Variants in TPPP observed in about 807,000 individuals in gnomAD.
TPPP encodes the protein tubulin polymerization-promoting protein.
Under a neutral mutation model 15.5 loss-of-function variants are expected in TPPP, and 6 were observed. The ratio of observed to expected loss-of-function variants is 0.39; its 90% CI spans 0.21 to 0.77. The LOEUF is 0.77. Ranked by LOEUF, TPPP falls within the 30% of genes least tolerant of loss-of-function variation. The pLI is 0.42. For synonymous variants in TPPP, 146 were observed against 133.9 expected (o/e 1.09, Z -0.63); for missense variants, 269 against 307.2 (o/e 0.88, Z 0.93).
Position 666,060 on chromosome 5 carries a change from C to T in TPPP, c.375G>A (p.Lys125=). The T allele has an allele frequency of 1.9e-6, 3 of 1,612,406 alleles. No homozygotes were observed. The highest frequency in any genetic ancestry group is 2.5e-6 in the Non-Finnish European group (3 of 1,179,810). The part of the protein sequence containing the change: ...QFQEALEELA[K]KRFKDKSSEE... ...CGCTGCTCTTGTCTTTGAATCGCTT[C>T]TTGGCGAGCTCCTCCAGCGCCTCCT... The change falls in exon 3 of 4, where the codon AAG becomes AAA. Residue 125 remains lysine, a synonymous_variant. Transcript: ENST00000360578.
chr5:669,687 T>C (rs562758688), intron 2 of TPPP, among the ~76,000 whole-genome samples: 11 of 151,998 alleles, frequency 7.2e-5, no homozygotes, highest in African/African-American at 2.4e-4. Flanking sequence ...GGCTCCCCCA[T>C]CAGAGGCGAC....
At chr5:669,147 G>A (rs530529890) in intron 2 of TPPP, among the ~76,000 whole-genome samples, 23 of 152,322 alleles carry the variant, frequency 1.5e-4, no homozygotes, top group African/African-American at 4.6e-4. Flanking sequence ...CGCTGTGTCC[G>A]GAGGGGGCTT....
intron 2 of TPPP, among the ~76,000 whole-genome samples, chr5:666,630 G>A (rs1023937783): frequency 4.6e-5 from 7 of 152,322 alleles, no homozygotes; most frequent in East Asian, 3.9e-4. Flanking sequence ...TCCAAAACCC[G>A]CCAGGCGGCC....
intron 2 of TPPP, 102 bp downstream of exon 2, chr5:677,648 C>T: frequency 2.6e-6 from 3 of 1,145,028 alleles, no homozygotes; most frequent in Non-Finnish European, 3.6e-6. Context: ...GCACAACCCC[C>T]TCCACTCCCC....
At position 668,350 on chromosome 5, in the gene TPPP, CGGA is replaced by C. The variant is rs1561082126; in HGVS notation, c.312-2230_312-2228del. On this transcript the variant is annotated intron_variant, in intron 2 of 3. Transcript: ENST00000360578. ...CCGTGTGGGCGCCGTCAGGGAAGTG[CGGA>C]CAAGCACACTGGAGAGGGGTCCGCG... Among the ~76,000 whole-genome samples the C allele has an allele frequency of 5.0e-4, 55 of 109,222 alleles. 6 individuals are homozygous for C. The highest frequency in any genetic ancestry group is 2.1e-3 in the African/African-American group (50 of 23,560). 71.7% of individuals were successfully genotyped at this position (109,222 alleles called of 152,430 possible).
intron 1 of TPPP, among the ~76,000 whole-genome samples, chr5:683,157 A>G (rs561200987): frequency 1.9e-4 from 29 of 152,246 alleles, no homozygotes; most frequent in Non-Finnish European, 2.6e-4. Context: ...CTCGCAGGCA[A>G]GTGCCCATGG....
At position 663,109 on chromosome 5, in the gene TPPP, G is replaced by A. The variant is rs1166671799; in HGVS notation, c.*1993C>T. Reference sequence around the variant, plus strand: ...CTGTGATTGGGCGATTCCGGTGGCCGCTCGTCTGTGATCGGGCGATTCCGG... The same window carrying A: ...CTGTGATTGGGCGATTCCGGTGGCCACTCGTCTGTGATCGGGCGATTCCGG... On this transcript the variant is annotated 3_prime_UTR_variant, in exon 4 of 4. Transcript: ENST00000360578. 1.4e-5 allele frequency: 2 copies of A among 139,492 alleles called. No individual in the cohort carries two copies. The highest frequency in any genetic ancestry group is 2.9e-5 in the Non-Finnish European group (2 of 67,840). 8.6% of individuals were successfully genotyped at this position (139,492 alleles called of 1,614,324 possible).
In TPPP at chr5:661,671, G is replaced by C. The variant is rs991143971; in HGVS notation, c.*3431C>G. ...GTCTGTTATGTGCAGTGGGGCTGCC[G>C]TCCAAACAATGTTCTGTGTTCGGAG... On this transcript the variant is annotated 3_prime_UTR_variant, in exon 4 of 4. Coordinates refer to ENST00000360578, the MANE Select transcript of TPPP (RefSeq NM_007030.3). 1.3e-5 allele frequency: 2 copies of C among 152,410 alleles called. No homozygotes were observed. The highest frequency in any genetic ancestry group is 4.8e-5 in the African/African-American group (2 of 41,462). The allele number at this position is 152,410 out of a possible 1,614,324, so 9.4% of individuals were successfully genotyped here.
chr5:672,568 C>T (rs1468394454), intron 2 of TPPP, among the ~76,000 whole-genome samples: 1 of 152,236 alleles, frequency 6.6e-6, no homozygotes, highest in African/African-American at 2.4e-5. Flanking sequence ...GCAAGGCTGG[C>T]AGACCCTCGC....
chr5:683,858 G>T (rs1740693368), intron 1 of TPPP, among the ~76,000 whole-genome samples: 1 of 152,262 alleles, frequency 6.6e-6, no homozygotes, highest in African/African-American at 2.4e-5. Context: ...TCCATGGGCA[G>T]ATTCCCCTGC....
chr5:684,494 G>A (rs954893755), intron 1 of TPPP, among the ~76,000 whole-genome samples: 4 of 152,116 alleles, frequency 2.6e-5, no homozygotes, highest in Non-Finnish European at 5.9e-5. Flanking sequence ...ACAGCGACCC[G>A]AAGCCCCAGA....
rs563400840 is a variant in TPPP, at chr5:683,934, C to G, written c.-4-5870G>C. 1.1e-4 allele frequency among the ~76,000 whole-genome samples: 16 copies of G among 152,334 alleles called. No homozygotes were observed. The South Asian group carries it at 3.3e-3, about 32-fold the overall frequency. On this transcript the variant is annotated intron_variant, in intron 1 of 3. Coordinates refer to ENST00000360578, the MANE Select transcript of TPPP (RefSeq NM_007030.3). ...GCTGGGCTCTTCAGAACCTTTACGC[C>G]CAAGTCCTGTCCAGGGGGAGCACCC...
intron 3 of TPPP, among the ~76,000 whole-genome samples, chr5:665,700 C>A (rs1739871645): frequency 7.3e-6 from 1 of 137,042 alleles, no homozygotes; most frequent in Admixed American, 7.1e-5. Flanking sequence ...CCACCCACCC[C>A]CTCCCAGGCC....
At chr5:681,925 T>A (rs1376433175) in intron 1 of TPPP, among the ~76,000 whole-genome samples, 1 of 152,020 alleles carries the variant, frequency 6.6e-6, no homozygotes, top group East Asian at 1.9e-4. Context: ...TGTCACCAGC[T>A]CCAAGGACTC....
intron 2 of TPPP, among the ~76,000 whole-genome samples, chr5:672,148 G>A (rs981519103): frequency 6.6e-6 from 1 of 152,178 alleles, no homozygotes; most frequent in Non-Finnish European, 1.5e-5. Flanking sequence ...GAAGACTTTA[G>A]GACAAAGTGT....
intron 1 of TPPP, among the ~76,000 whole-genome samples, chr5:681,433 C>A (rs1740618243): frequency 1.3e-5 from 2 of 152,164 alleles, no homozygotes; most frequent in Admixed American, 1.3e-4. Flanking sequence ...ATGTGCCCAG[C>A]ACTCCCAGGC....
At chr5:666,568 C>A (rs1314355591) in intron 2 of TPPP, among the ~76,000 whole-genome samples, 1 of 152,192 alleles carries the variant, frequency 6.6e-6, no homozygotes. Context: ...GGGGCTGCCG[C>A]CCCCGGACAC....
In TPPP at chr5:677,927, G is replaced by A. The variant is rs2126903203; in HGVS notation, c.134C>T (p.Ser45Phe). The A allele has an allele frequency of 6.2e-7, 1 of 1,612,656 alleles. No homozygotes were observed. The highest frequency in any genetic ancestry group is 8.5e-7 in the Non-Finnish European group (1 of 1,179,818). ...SEGAGEGAAA[S>F]PELSALEEAF... The stretch of plus-strand genomic sequence containing the variant: ...CTCCTCCAGGGCACTGAGCTCAGGG[G>A]ATGCGGCTGCCCCCTCACCAGCACC... Residue 45 changes from serine (S) to phenylalanine (F), a missense_variant, in exon 2 of 4, where the codon TCC becomes TTC. Ser to Phe is a radical substitution (Grantham distance 155). Transcript: ENST00000360578.
chr5:687,134 A>G (rs10474799), intron 1 of TPPP, among the ~76,000 whole-genome samples: 36,607 of 129,854 alleles, frequency 0.28, 6,207 homozygotes, highest in African/African-American at 0.47. Context: ...GAGCCACCAG[A>G]AGCTAGAAGA....
Sources: allele counts gnomAD v4.1 joint callset (sites outside exome capture counted in the v4.1 genomes callset), GRCh38; gene constraint gnomAD v4.1.1; transcripts MANE v1.5; gene names NCBI Gene and HGNC (gene_info 2026-07-23, HGNC 2026-07-21).